The following NCAM1 variants were observed in gnomAD, a reference collection of about 807,000 sequenced individuals.
NCAM1 encodes the protein antigen recognized by monoclonal antibody 5.1H11.
A neutral mutation model predicts 109.8 loss-of-function variants in NCAM1; 14 were observed. The ratio of observed to expected loss-of-function variants is 0.13; its 90% CI spans 0.08 to 0.20. The LOEUF is 0.20. NCAM1 is among the 10% of genes least tolerant of loss of function. The pLI is 1.00. For missense variants in NCAM1, 774 were observed against 1,109.9 expected (o/e 0.70, Z 4.30); for synonymous variants, 418 against 442.9 (o/e 0.94, Z 0.70).
chr11:113,228,101 G>A (rs1555116572), intron 9 of NCAM1, among the ~76,000 whole-genome samples: 1 of 152,116 alleles, frequency 6.6e-6, no homozygotes, highest in Non-Finnish European at 1.5e-5. Context: ...GGCAAGAGAA[G>A]GAAATAAAGG....
At chr11:113,123,563 C>A (rs1941055297) in intron 1 of NCAM1, among the ~76,000 whole-genome samples, 1 of 152,310 alleles carries the variant, frequency 6.6e-6, no homozygotes, top group East Asian at 1.9e-4. Context: ...GGCTGCCATC[C>A]TCTCTCTGGA....
chr11:113,083,966 G>A (rs1938965591), intron 1 of NCAM1, among the ~76,000 whole-genome samples: 1 of 152,186 alleles, frequency 6.6e-6, no homozygotes. Flanking sequence ...ATAGAAATGA[G>A]AAGAAGCTGG....
intron 1 of NCAM1, among the ~76,000 whole-genome samples, chr11:113,063,414 G>T (rs1384810600): frequency 4.6e-5 from 7 of 152,212 alleles, no homozygotes; most frequent in Non-Finnish European, 7.3e-5. Flanking sequence ...ATGCTCAGAA[G>T]TCTCCATGAC....
chr11:113,051,953 A>G (rs1440891390), intron 1 of NCAM1, among the ~76,000 whole-genome samples: 1 of 152,234 alleles, frequency 6.6e-6, no homozygotes, highest in Non-Finnish European at 1.5e-5. Flanking sequence ...AGGTGTGCTT[A>G]GCGTAAGTTC....
intron 1 of NCAM1, among the ~76,000 whole-genome samples, chr11:113,020,621 T>G (rs1555076087): frequency 1.3e-5 from 2 of 152,256 alleles, no homozygotes; most frequent in Non-Finnish European, 2.9e-5. Flanking sequence ...CAACATAGTT[T>G]GCTTCCAGAA....
intron 1 of NCAM1, among the ~76,000 whole-genome samples, chr11:113,028,569 A>G (rs1892982): frequency 0.95 from 144,900 of 152,258 alleles, 69,370 homozygotes; most frequent in East Asian, 1. Flanking sequence ...ATAATACCTT[A>G]GTTTCTTTGT....
At chr11:113,231,338 T>C in intron 9 of NCAM1, 2 of 1,518,846 alleles carry the variant, frequency 1.3e-6, no homozygotes, top group South Asian at 2.4e-5. Context: ...ATTTTAGACA[T>C]CCCAAACAAA....
chr11:113,010,357 T>A (rs1952015088), intron 1 of NCAM1, among the ~76,000 whole-genome samples: 1 of 152,252 alleles, frequency 6.6e-6, no homozygotes, highest in South Asian at 2.1e-4. Flanking sequence ...TTCTCTATTT[T>A]AGTCAGATGG....
intron 17 of NCAM1, among the ~76,000 whole-genome samples, chr11:113,267,095 C>T (rs1260092538): frequency 6.6e-6 from 1 of 152,238 alleles, no homozygotes; most frequent in African/African-American, 2.4e-5. Flanking sequence ...GAGCTAAAAT[C>T]TGCCACCACC....
At chr11:113,232,925 A>G (rs969533602) in intron 12 of NCAM1, 111 bp downstream of exon 12, 10 of 1,098,162 alleles carry the variant, frequency 9.1e-6, no homozygotes, top group Middle Eastern at 2.7e-4. Flanking sequence ...AGAAAGGGCC[A>G]GGGTCAGCAA....
At chr11:113,222,550 C>G (rs937469000) in intron 9 of NCAM1, among the ~76,000 whole-genome samples, 2 of 152,212 alleles carry the variant, frequency 1.3e-5, no homozygotes, top group African/African-American at 4.8e-5. Flanking sequence ...ACAGGAATCA[C>G]TTAGTGCTGT....
At chr11:113,236,729 A>G (rs1555118377) in intron 14 of NCAM1, among the ~76,000 whole-genome samples, 1 of 152,206 alleles carries the variant, frequency 6.6e-6, no homozygotes, top group East Asian at 1.9e-4. Flanking sequence ...ACTATTCAAA[A>G]CACCTTGAAA....
chr11:113,116,013 C>T (rs1325452875), intron 1 of NCAM1, among the ~76,000 whole-genome samples: 1 of 152,012 alleles, frequency 6.6e-6, no homozygotes, highest in Non-Finnish European at 1.5e-5. Context: ...TCTCTAATTC[C>T]CAAATAGACA....
chr11:113,236,277 G>A (rs1555118252), intron 14 of NCAM1: 3 of 1,609,226 alleles, frequency 1.9e-6, no homozygotes, highest in South Asian at 1.1e-5. Context: ...CTTTTCGTCT[G>A]TGTTCCATCC....
intron 1 of NCAM1, among the ~76,000 whole-genome samples, chr11:113,055,992 TATATA>T (rs1953689388): frequency 1.4e-5 from 1 of 70,448 alleles, no homozygotes; most frequent in Non-Finnish European, 2.8e-5. Flanking sequence ...TATATATATA[TATATA>T]TATATATATA....
chr11:113,151,951 GAGGGGA>G (rs1253664452), intron 1 of NCAM1, among the ~76,000 whole-genome samples: 3 of 152,218 alleles, frequency 2.0e-5, no homozygotes, highest in Non-Finnish European at 2.9e-5. Context: ...TTGGGGGTGG[GAGGGGA>G]AGGGGATGGA....
intron 1 of NCAM1, among the ~76,000 whole-genome samples, chr11:113,064,938 C>A (rs1937877959): frequency 6.6e-6 from 1 of 152,106 alleles, no homozygotes; most frequent in South Asian, 2.1e-4. Context: ...TTCTTTCCAG[C>A]TGAGAGGGCT....
intron 1 of NCAM1, among the ~76,000 whole-genome samples, chr11:113,031,817 A>G (rs373709174): frequency 1.2e-4 from 18 of 152,228 alleles, no homozygotes; most frequent in East Asian, 7.7e-4. Context: ...ATGACCAAGG[A>G]AGTACTGCAA....
At chr11:113,150,043 A>G (rs1415973042) in intron 1 of NCAM1, among the ~76,000 whole-genome samples, 1 of 152,226 alleles carries the variant, frequency 6.6e-6, no homozygotes, top group Non-Finnish European at 1.5e-5. Context: ...AAATCAAGGC[A>G]GCAGTGTACT....
Sources: allele counts gnomAD v4.1 joint callset (sites outside exome capture counted in the v4.1 genomes callset), GRCh38; gene constraint gnomAD v4.1.1; transcripts MANE v1.5; gene names NCBI Gene and HGNC (gene_info 2026-07-23, HGNC 2026-07-21).